The following PCED1B variants were observed in gnomAD, a reference collection of about 807,000 sequenced individuals.
PCED1B encodes PC-esterase domain-containing protein 1B.
For missense variants in PCED1B, 573 were observed against 573.9 expected (o/e 1.00, Z 0.02); for synonymous variants, 251 against 246.1 (o/e 1.02, Z -0.19).
chr12:47,109,718 G>T (rs1939109332), intron 2 of PCED1B, among the ~76,000 whole-genome samples: 1 of 152,156 alleles, frequency 6.6e-6, no homozygotes, highest in African/African-American at 2.4e-5. Flanking sequence ...GCCTGTGCAA[G>T]GAGAGAAGGG....
At chr12:47,128,122 C>T (rs566993821) in intron 2 of PCED1B, among the ~76,000 whole-genome samples, 174 of 152,104 alleles carry the variant, frequency 1.1e-3, no homozygotes, top group African/African-American at 3.7e-3. Flanking sequence ...AATAAAAAAA[C>T]GAAATTGTTG....
intron 2 of PCED1B, among the ~76,000 whole-genome samples, chr12:47,153,080 T>A (rs12827531): frequency 1.3e-5 from 2 of 151,984 alleles, no homozygotes; most frequent in African/African-American, 4.8e-5. Context: ...CCGGGCACAG[T>A]GGCTCACGCC....
At chr12:47,133,288 G>A (rs1940207652) in intron 2 of PCED1B, among the ~76,000 whole-genome samples, 1 of 152,150 alleles carries the variant, frequency 6.6e-6, no homozygotes, top group South Asian at 2.1e-4. Flanking sequence ...GGTAGGGATT[G>A]TACTCAGAGA....
chr12:47,221,703 T>G (rs530989772), intron 3 of PCED1B, among the ~76,000 whole-genome samples: 27 of 152,208 alleles, frequency 1.8e-4, no homozygotes, highest in South Asian at 4.1e-4. Context: ...ATTCCCATTG[T>G]TGGTCAATGC....
intron 2 of PCED1B, among the ~76,000 whole-genome samples, chr12:47,143,676 G>A (rs772317022): frequency 3.9e-5 from 6 of 152,242 alleles, no homozygotes; most frequent in Admixed American, 3.9e-4. Flanking sequence ...TACAAGCTCA[G>A]TGTAATCCCT....
chr12:47,192,405 A>G (rs1279412746), intron 2 of PCED1B, among the ~76,000 whole-genome samples: 1 of 152,214 alleles, frequency 6.6e-6, no homozygotes, highest in African/African-American at 2.4e-5. Context: ...AATTGTATAT[A>G]CTGCAGACTG....
intron 1 of PCED1B, among the ~76,000 whole-genome samples, chr12:47,093,153 TA>T (rs1050408174): frequency 2.6e-5 from 4 of 151,016 alleles, no homozygotes; most frequent in Non-Finnish European, 4.4e-5. Flanking sequence ...GGCTTAATTT[TA>T]AAAAAAAATA....
At chr12:47,162,440 G>T (rs1360094592) in intron 2 of PCED1B, among the ~76,000 whole-genome samples, 1 of 152,112 alleles carries the variant, frequency 6.6e-6, no homozygotes, top group African/African-American at 2.4e-5. Flanking sequence ...GTTCTGCAGT[G>T]TGTACAAGAA....
chr12:47,112,295 A>G (rs1390464305), intron 2 of PCED1B, among the ~76,000 whole-genome samples: 1 of 152,220 alleles, frequency 6.6e-6, no homozygotes, highest in African/African-American at 2.4e-5. Flanking sequence ...CTCTCAGTCC[A>G]CTGAAAAGTG....
At chr12:47,094,517 C>G (rs1187680084) in intron 1 of PCED1B, among the ~76,000 whole-genome samples, 2 of 151,706 alleles carry the variant, frequency 1.3e-5, no homozygotes, top group Admixed American at 1.3e-4. Flanking sequence ...TTCGCCCTCT[C>G]TTTCCTCTAT....
intron 2 of PCED1B, among the ~76,000 whole-genome samples, chr12:47,116,067 A>G (rs1240665766): frequency 6.6e-6 from 1 of 152,250 alleles, no homozygotes; most frequent in Non-Finnish European, 1.5e-5. Flanking sequence ...CATGATTTCT[A>G]TTAGCATATC....
chr12:47,115,409 T>C (rs1939374286), intron 2 of PCED1B, among the ~76,000 whole-genome samples: 1 of 152,160 alleles, frequency 6.6e-6, no homozygotes, highest in Admixed American at 6.6e-5. Context: ...CATTTTGTAC[T>C]TTTTTGGTGG....
At chr12:47,098,722 T>C (rs1179150214) in intron 1 of PCED1B, among the ~76,000 whole-genome samples, 1 of 152,108 alleles carries the variant, frequency 6.6e-6, no homozygotes, top group African/African-American at 2.4e-5. Context: ...GACCTCGTGA[T>C]CCGCCCGCCT....
intron 1 of PCED1B, among the ~76,000 whole-genome samples, chr12:47,092,663 A>G (rs1938317709): frequency 6.6e-6 from 1 of 152,054 alleles, no homozygotes; most frequent in Non-Finnish European, 1.5e-5. Context: ...TATTTTGTAG[A>G]TATTCTTTAT....
chr12:47,093,000 AT>A (rs1310681042), intron 1 of PCED1B, among the ~76,000 whole-genome samples: 2 of 151,786 alleles, frequency 1.3e-5, no homozygotes, highest in Non-Finnish European at 2.9e-5. Flanking sequence ...TGCTATTACA[AT>A]TTTTTTTAAG....
At chr12:47,221,301 T>C (rs1376749086) in intron 3 of PCED1B, among the ~76,000 whole-genome samples, 2 of 151,452 alleles carry the variant, frequency 1.3e-5, no homozygotes, top group East Asian at 3.9e-4. Context: ...CTTCAAAATA[T>C]ATATATTGTT....
At chr12:47,227,620 G>A (rs1048169884) in intron 3 of PCED1B, among the ~76,000 whole-genome samples, 1 of 151,926 alleles carries the variant, frequency 6.6e-6, no homozygotes, top group Non-Finnish European at 1.5e-5. Flanking sequence ...TTGGGAGGGC[G>A]AGGTGAGTGG....
intron 2 of PCED1B, among the ~76,000 whole-genome samples, chr12:47,173,965 G>C (rs1941836425): frequency 6.6e-6 from 1 of 152,112 alleles, no homozygotes; most frequent in Non-Finnish European, 1.5e-5. Context: ...TAGCATGGTG[G>C]CCAGCAAACA....
intron 2 of PCED1B, among the ~76,000 whole-genome samples, chr12:47,150,668 G>C (rs1012658907): frequency 6.6e-6 from 1 of 151,988 alleles, no homozygotes; most frequent in African/African-American, 2.4e-5. Flanking sequence ...ACATGGGGGA[G>C]AGCATTTCAA....
Sources: gnomAD v4.1 joint callset for allele counts (sites outside exome capture counted in the v4.1 genomes callset) on GRCh38, gnomAD v4.1.1 for gene constraint, MANE v1.5 for transcripts, NCBI Gene and HGNC (gene_info 2026-07-23, HGNC 2026-07-21) for gene names.